The following KEL variants were observed in gnomAD, a reference collection of about 807,000 sequenced individuals.
The protein encoded by KEL is Kell metallo-endopeptidase (Kell blood group), also known as kell blood group glycoprotein.
Under a neutral mutation model 99.5 loss-of-function variants are expected in KEL, and 96 were observed. The ratio of observed to expected loss-of-function variants is 0.97; its 90% CI spans 0.82 to 1.14. The LOEUF (loss-of-function observed/expected upper bound fraction) is 1.14, where lower values mean the gene tolerates loss of function less well. KEL is among the 50% of genes most tolerant of loss of function. KEL has a pLI of 0.00. For synonymous variants in KEL, 355 were observed against 354.8 expected, an observed-to-expected ratio of 1.00 and a Z score of -0.01; for missense variants, 926 against 924.2, an observed-to-expected ratio of 1.00 and a Z score of -0.03.
intron 8 of KEL, 103 bp downstream of exon 8, chr7:142,954,081 G>A (rs1394404878): frequency 1.4e-6 from 2 of 1,419,342 alleles, no homozygotes; most frequent in South Asian, 1.2e-5. Flanking sequence ...GTCAGAGACA[G>A]AATGAAAAGG....
intron 9 of KEL, 56 bp downstream of exon 9, chr7:142,953,752 C>A: frequency 1.3e-6 from 2 of 1,599,500 alleles, no homozygotes; most frequent in Non-Finnish European, 8.6e-7. Flanking sequence ...CCAAGATCTA[C>A]GGTGCTCAGG....
intron 1 of KEL, 118 bp downstream of exon 1, chr7:142,962,086 T>G: frequency 6.2e-7 from 1 of 1,613,470 alleles, no homozygotes; most frequent in South Asian, 1.1e-5. Context: ...CCTCCCTCTC[T>G]CCCCACCTTT....
At chr7:142,954,021 C>T in intron 8 of KEL, 65 bp from the exon 9 acceptor site, 1 of 1,595,506 alleles carries the variant, frequency 6.3e-7, no homozygotes, top group Non-Finnish European at 8.6e-7. Flanking sequence ...AGGGCTTCCC[C>T]TTGGGTGTGA....
intron 15 of KEL, 21 bp downstream of exon 15, chr7:142,943,465 C>T (rs766857027): frequency 1.1e-5 from 18 of 1,608,790 alleles, no homozygotes; most frequent in Non-Finnish European, 1.4e-5. Context: ...TCCCTACCTA[C>T]CCTTACAGAG....
At chr7:142,943,651 C>T in intron 14 of KEL, 55 bp from the exon 15 acceptor site, 1 of 1,459,514 alleles carries the variant, frequency 6.9e-7, no homozygotes, top group East Asian at 2.3e-5. Context: ...CCCTGCCACC[C>T]TGAGACCTAC....
intron 18 of KEL, 34 bp from the exon 19 acceptor site, chr7:142,941,447 G>T (rs1796351718): frequency 4.5e-6 from 7 of 1,553,874 alleles, no homozygotes; most frequent in Admixed American, 3.6e-5. Context: ...AAGGGGGAGG[G>T]TCCACAGGAC....
chr7:142,955,273 C>G (rs1796800647), intron 6 of KEL, among the ~76,000 whole-genome samples: 1 of 152,116 alleles, frequency 6.6e-6, no homozygotes, highest in South Asian at 2.1e-4. Flanking sequence ...CTTTGCTTAT[C>G]ATGGACTTTT....
At position 142,949,531 on chromosome 7, in the gene KEL, T is replaced by C. The variant is rs538765871; in HGVS notation, c.1203+2978A>G. Among the ~76,000 whole-genome samples the C allele has an allele frequency of 9.8e-5, 15 of 152,382 alleles. No homozygotes were observed. The East Asian group carries it at 2.9e-3, about 29-fold the overall frequency. On this transcript the variant is annotated intron_variant, in intron 10 of 18. Transcript: ENST00000355265. ...TTTATTAGTTTGTTTATTGTCTTTC[T>C]TCTTTCACCAGGATATGTGGCTGAA...
chr7:142,956,324 T>C (rs1322022852), intron 6 of KEL, among the ~76,000 whole-genome samples: 1 of 152,172 alleles, frequency 6.6e-6, no homozygotes, highest in Non-Finnish European at 1.5e-5. Context: ...AAAATGCTCA[T>C]TTAGTTTCCT....
At chr7:142,960,518 G>A (rs1796930431) in intron 4 of KEL, among the ~76,000 whole-genome samples, 1 of 152,148 alleles carries the variant, frequency 6.6e-6, no homozygotes, top group Admixed American at 6.6e-5. Context: ...AGATGCTTGT[G>A]GAGGAAAACA....
At chr7:142,943,695 T>G in intron 14 of KEL, 88 bp downstream of exon 14, 2 of 1,459,018 alleles carry the variant, frequency 1.4e-6, no homozygotes. Flanking sequence ...CTGTTCATGC[T>G]GCCTGCCCTG....
chr7:142,949,143 C>T (rs542942435), intron 10 of KEL, among the ~76,000 whole-genome samples: 4 of 152,234 alleles, frequency 2.6e-5, no homozygotes, highest in East Asian at 1.9e-4. Context: ...CACCAGTTGT[C>T]GAAATGAAAA....
intron 10 of KEL, among the ~76,000 whole-genome samples, chr7:142,948,179 C>T (rs1169214954): frequency 6.6e-6 from 1 of 152,040 alleles, no homozygotes; most frequent in East Asian, 1.9e-4. Flanking sequence ...CTGGATAATA[C>T]AATCGCCACC....
chr7:142,943,328 G>A lies in KEL; in HGVS notation c.1719C>T (p.Gly573=), dbSNP rs145850557. The A allele has an allele frequency of 3.4e-4, 554 of 1,614,028 alleles. 1 individual carries two copies. The highest frequency in any genetic ancestry group is 8.3e-4 in the Admixed American group (50 of 60,008). ...HPGYPRAVNF[G]AAGSIMAHEL... ...CGTGGGCCATGATGCTGCCAGCAGC[G>A]CCAAAGTTCACGGCTCTAGGGAGAC... is the stretch of plus-strand genomic sequence containing the variant. The change falls in exon 16 of 19, where the codon GGC becomes GGT. Residue 573 remains glycine, a synonymous_variant. Coordinates refer to ENST00000355265, the MANE Select transcript of KEL (RefSeq NM_000420.3).
rs1401934487 is a variant in KEL at position 142,941,388 on chromosome 7, T to C, written c.2063A>G (p.Gln688Arg). The change falls in exon 19 of 19, where the codon CAG becomes CGG. Residue 688 changes from glutamine to arginine, a missense_variant. Coordinates refer to ENST00000355265, the MANE Select transcript of KEL (RefSeq NM_000420.3). Reference sequence around the variant, plus strand: ...AGGGCTGTGAGTGTCGTGAGAGTCCTGGGGGCTGGGCTTCCTACACATCAC... The same window carrying C: ...AGGGCTGTGAGTGTCGTGAGAGTCCCGGGGGCTGGGCTTCCTACACATCAC... ...AQVMCRKPSP[Q>R]DSHDTHSPPH... The C allele has an allele frequency of 6.8e-6, 11 of 1,606,338 alleles. No individual in the cohort carries two copies. Among genetic ancestry groups the C allele is most frequent in the Non-Finnish European group, 9.4e-6 (11 of 1,174,502 alleles).
chr7:142,944,478 C>T, intron 12 of KEL, 78 bp from the exon 13 acceptor site: 1 of 1,305,314 alleles, frequency 7.7e-7, no homozygotes, highest in East Asian at 2.3e-5. Context: ...TTGCCCTGTC[C>T]CAGCCTCTCA....
chr7:142,943,372 C>T, intron 15 of KEL, 29 bp from the exon 16 acceptor site: 2 of 1,613,542 alleles, frequency 1.2e-6, no homozygotes, highest in African/African-American at 2.7e-5. Flanking sequence ...ATTTGACCCC[C>T]AGAATCTCTC....
intron 10 of KEL, chr7:142,946,686 C>T (rs527643527): frequency 1.5e-4 from 48 of 323,052 alleles, no homozygotes; most frequent in South Asian, 3.6e-4. Context: ...CACTCTACTC[C>T]GGGGTCCCAG....
chr7:142,946,019 T>G (rs1015084395), intron 11 of KEL, 188 bp downstream of exon 11: 11 of 605,278 alleles, frequency 1.8e-5, no homozygotes, highest in Non-Finnish European at 1.8e-5. Flanking sequence ...ATTTGTGGCC[T>G]GAAGCTGAAC....
Sources: gnomAD v4.1 joint callset for allele counts (sites outside exome capture counted in the v4.1 genomes callset) on GRCh38, gnomAD v4.1.1 for gene constraint, MANE v1.5 for transcripts, NCBI Gene and HGNC (gene_info 2026-07-23, HGNC 2026-07-21) for gene names.